Variants in SLC22A13 observed in about 807,000 individuals in gnomAD.
SLC22A13 encodes the protein organic anion transporter 10.
In SLC22A13, 42 loss-of-function variants were observed where a neutral mutation model predicts 49.1. The ratio of observed to expected loss-of-function variants is 0.85; its 90% CI spans 0.67 to 1.11. The LOEUF (loss-of-function observed/expected upper bound fraction) is 1.11. SLC22A13 is among the 50% of genes least tolerant of loss of function. SLC22A13 has a pLI of 0.00. For synonymous variants in SLC22A13, 282 were observed against 293.1 expected, an observed-to-expected ratio of 0.96 and a Z score of 0.39; for missense variants, 694 against 712.8, an observed-to-expected ratio of 0.97 and a Z score of 0.30.
At position 38,277,378 on chromosome 3, in the gene SLC22A13, C is replaced by A; in HGVS notation, c.1569C>A (p.Pro523=). ...DLELGPHPRS[P]KSVPSEKETE... ...AGCCTTCTGCTCCCTCTAGGTCCCC[C>A]AAATCAGTGCCCTCAGAGAAGGAAA... The change falls in exon 10 of 10, where the codon CCC becomes CCA. Residue 523 remains proline (P), a synonymous_variant. Transcript: ENST00000311856. 6.2e-7 allele frequency: 1 copy of A among 1,613,580 alleles called. No individual in the cohort carries two copies. Among genetic ancestry groups the A allele is most frequent in the Non-Finnish European group, 8.5e-7 (1 of 1,179,614 alleles).
Position 38,266,067 on chromosome 3 carries a change from A to C in SLC22A13, c.207A>C (p.Val69=). 1 of 1,614,154 alleles carries C rather than the reference A, an allele frequency of 6.2e-7. No individual in the cohort carries two copies. Among genetic ancestry groups the C allele is most frequent in the Non-Finnish European group, 8.5e-7 (1 of 1,180,034 alleles). Residue 69 remains valine, a synonymous_variant, in exon 1 of 10, where the codon GTA becomes GTC. Transcript: ENST00000311856. ...TFNLSAAEQL[V]LSVPLDTAGH... The stretch of plus-strand genomic sequence containing the variant: ...ACCTGAGTGCTGCTGAACAGCTGGT[A>C]CTGAGCGTGCCCCTGGACACTGCAG...
At chr3:38,272,293 G>T (rs1703531085) in intron 1 of SLC22A13, among the ~76,000 whole-genome samples, 1 of 152,262 alleles carries the variant, frequency 6.6e-6, no homozygotes. Context: ...TGAGAGCTTT[G>T]TGAGCACAGA....
chr3:38,274,486 C>T (rs1559537489), intron 2 of SLC22A13, 111 bp downstream of exon 2: 8 of 1,448,670 alleles, frequency 5.5e-6, no homozygotes, highest in Non-Finnish European at 7.7e-6. Context: ...CCCTCTTCCC[C>T]CTACCCTCAA....
At chr3:38,272,772 C>G (rs908574330) in intron 1 of SLC22A13, among the ~76,000 whole-genome samples, 13 of 152,212 alleles carry the variant, frequency 8.5e-5, no homozygotes, top group African/African-American at 3.1e-4. Context: ...TGGTTAATTT[C>G]TTGCTAAAAG....
chr3:38,274,759 G>C lies in SLC22A13; in HGVS notation c.637+1G>C. 3.7e-6 allele frequency: 6 copies of C among 1,612,812 alleles called. No individual in the cohort carries two copies. The South Asian group carries it at 6.6e-5, about 18-fold the overall frequency. On this transcript the variant is annotated splice_donor_variant, in intron 3 of 9. Coordinates refer to ENST00000311856, the MANE Select transcript of SLC22A13 (RefSeq NM_004256.4). LOFTEE classifies it high-confidence loss of function. The stretch of plus-strand genomic sequence containing the variant: ...CTTAGCTTCAGCAATGTCACCCTAC[G>C]TGAGTGTCTGGGCCCTGGAGCCTTC...
At chr3:38,266,282 G>T (rs1299669971) in intron 1 of SLC22A13, 44 bp downstream of exon 1, 1 of 1,589,558 alleles carries the variant, frequency 6.3e-7, no homozygotes, top group African/African-American at 1.3e-5. Context: ...TTGTGGGTCT[G>T]TCAGGTCTTG....
chr3:38,266,872 C>T (rs888152226), intron 1 of SLC22A13, among the ~76,000 whole-genome samples: 3 of 152,172 alleles, frequency 2.0e-5, no homozygotes, highest in African/African-American at 7.2e-5. Context: ...TAGCCACCTC[C>T]GAGCAAGAGG....
intron 1 of SLC22A13, among the ~76,000 whole-genome samples, chr3:38,269,674 C>T (rs989690791): frequency 6.6e-6 from 1 of 152,082 alleles, no homozygotes; most frequent in Non-Finnish European, 1.5e-5. Flanking sequence ...GCTCTCTCTT[C>T]TTTGGCTCTG....
intron 1 of SLC22A13, among the ~76,000 whole-genome samples, chr3:38,270,925 A>T (rs1396283581): frequency 6.6e-6 from 1 of 151,956 alleles, no homozygotes; most frequent in Non-Finnish European, 1.5e-5. Context: ...TGCTCTCCTC[A>T]CCCCAACTCT....
In SLC22A13 at chr3:38,275,209, G is replaced by A. The variant is rs778929564; in HGVS notation, c.806+52G>A. The A allele has an allele frequency of 1.7e-5, 27 of 1,607,234 alleles. No homozygotes were observed. The South Asian group carries it at 2.6e-4, about 16-fold the overall frequency. Reference sequence around the variant, plus strand: ...GCCCCCCCAGGTTAGTTGTGTTGTGGTGGGGTTGCAGTGCAGCACCCATGT... The same window carrying A: ...GCCCCCCCAGGTTAGTTGTGTTGTGATGGGGTTGCAGTGCAGCACCCATGT... On this transcript the variant is annotated intron_variant, in intron 4 of 9. Transcript: ENST00000311856.
At chr3:38,275,189 C>T (rs911392343) in intron 4 of SLC22A13, 32 bp downstream of exon 4, 4 of 1,612,378 alleles carry the variant, frequency 2.5e-6, no homozygotes, top group East Asian at 2.2e-5. Flanking sequence ...AGCAAGCCCC[C>T]CCAGGTTAGT....
intron 1 of SLC22A13, among the ~76,000 whole-genome samples, chr3:38,269,162 T>G (rs1399724274): frequency 1.3e-5 from 2 of 152,186 alleles, no homozygotes; most frequent in African/African-American, 2.4e-5. Context: ...AAGTAACTAG[T>G]ATTAGGATGG....
chr3:38,276,255 C>T (rs1293777918), intron 7 of SLC22A13, 32 bp from the exon 8 acceptor site: 23 of 1,572,910 alleles, frequency 1.5e-5, no homozygotes, highest in Non-Finnish European at 1.9e-5. Context: ...GGCGTCAGGG[C>T]CCAGGTGATG....
Position 38,274,303 on chromosome 3 carries a change from A to G in SLC22A13, c.410A>G (p.Lys137Arg). The G allele has an allele frequency of 6.2e-7, 1 of 1,614,114 alleles. No homozygotes were observed. The change falls in exon 2 of 10, where the codon AAG (lysine) becomes AGG (arginine). Residue 137 changes from lysine (K) to arginine (R), a missense_variant. Physicochemically the swap from Lys to Arg is conservative, Grantham distance 26. Coordinates refer to ENST00000311856, the MANE Select transcript of SLC22A13 (RefSeq NM_004256.4). Reference sequence around the variant, plus strand: ...CTGGTTTGTGATCGGAAGCACCTGAAGGACACCACACAGTCAGTGTTCATG... The same window carrying G: ...CTGGTTTGTGATCGGAAGCACCTGAGGGACACCACACAGTCAGTGTTCATG... ...FNLVCDRKHL[K>R]DTTQSVFMAG...
chr3:38,277,428 G>C lies in SLC22A13; in HGVS notation c.1619G>C (p.Ser540Thr). ...ACAGAGGCCAAGGGAAGAACTTCCA[G>C]CCCGGGAGTGGCCTTTGTGAGCAGC... ...KETEAKGRTS[S>T]PGVAFVSSTY... Residue 540 changes from serine to threonine, a missense_variant, in exon 10 of 10, where the codon AGC becomes ACC. Coordinates refer to ENST00000311856, the MANE Select transcript of SLC22A13 (RefSeq NM_004256.4). 5 of 1,614,138 alleles carry C rather than the reference G, an allele frequency of 3.1e-6. No homozygotes were observed. Among genetic ancestry groups the C allele is most frequent in the Non-Finnish European group, 4.2e-6 (5 of 1,179,976 alleles).
Position 38,277,698 on chromosome 3 carries a change from C to G in SLC22A13, c.*233C>G, listed in dbSNP as rs1227930581. 2 of 457,484 alleles carry G rather than the reference C, an allele frequency of 4.4e-6. No individual in the cohort carries two copies. The highest frequency in any genetic ancestry group is 7.9e-6 in the Non-Finnish European group (2 of 253,958). 28.3% of individuals were successfully genotyped at this position (457,484 alleles called of 1,614,324 possible). Reference sequence around the variant, plus strand: ...ACCTTTCTCATCTCCAGAGCCCTGCCCCCAATACTCTGTCTGGGTTAGGAT... The same window carrying G: ...ACCTTTCTCATCTCCAGAGCCCTGCGCCCAATACTCTGTCTGGGTTAGGAT... On this transcript the variant is annotated 3_prime_UTR_variant, in exon 10 of 10. Transcript: ENST00000311856.
chr3:38,274,856 C>A (rs1575391299), intron 3 of SLC22A13, 98 bp downstream of exon 3: 1 of 1,536,398 alleles, frequency 6.5e-7, no homozygotes, highest in Non-Finnish European at 8.9e-7. Flanking sequence ...TTTTCAGGTA[C>A]CCCACATCTG....
At chr3:38,273,491 G>A (rs527567047) in intron 1 of SLC22A13, among the ~76,000 whole-genome samples, 1 of 152,280 alleles carries the variant, frequency 6.6e-6, no homozygotes, top group East Asian at 1.9e-4. Flanking sequence ...CTGATTGCCT[G>A]TGAATGGTGG....
At chr3:38,272,092 C>G (rs1364215078) in intron 1 of SLC22A13, among the ~76,000 whole-genome samples, 2 of 152,228 alleles carry the variant, frequency 1.3e-5, no homozygotes, top group Non-Finnish European at 2.9e-5. Flanking sequence ...GTCTCTGCTG[C>G]TGCACAAGGG....
Sources: allele counts gnomAD v4.1 joint callset (sites outside exome capture counted in the v4.1 genomes callset), GRCh38; gene constraint gnomAD v4.1.1; transcripts MANE v1.5; gene names NCBI Gene and HGNC (gene_info 2026-07-23, HGNC 2026-07-21).